The following ZNF705G variants were observed in gnomAD, a reference collection of about 807,000 sequenced individuals.
ZNF705G encodes the protein putative zinc finger protein 705G.
In ZNF705G, 23 loss-of-function variants were observed where a neutral mutation model predicts 19.6. That is an observed-to-expected ratio of 1.17 (90% CI 0.84 to 1.66). The LOEUF is 1.66. Among genes scored for constraint, ZNF705G ranks in the 40% most tolerant of loss-of-function variants. The pLI, the probability that ZNF705G is intolerant of heterozygous loss-of-function variation, is 0.00. For missense variants in ZNF705G, 457 were observed against 354.4 expected (o/e 1.29, Z -2.32); for synonymous variants, 146 against 117.7 (o/e 1.24, Z -1.56).
In ZNF705G at chr8:7,366,014, C is replaced by T. The variant is rs560814990; in HGVS notation, c.-71-2997G>A. 7.3e-4 allele frequency among the ~76,000 whole-genome samples: 109 copies of T among 149,622 alleles called. 10 individuals carry two copies. The highest frequency in any genetic ancestry group is 2.2e-3 in the African/African-American group (84 of 39,054). ...ACCAGTGCTATACAATGTTGAATGA[C>T]ATCTCAGGTGCTAGGGAAACAGCAG... On this transcript the variant is annotated intron_variant, in intron 2 of 6. Transcript: ENST00000400156.
At chr8:7,382,076 A>G (rs1807524203) in intron 1 of ZNF705G, among the ~76,000 whole-genome samples, 1 of 152,074 alleles carries the variant, frequency 6.6e-6, no homozygotes, top group Non-Finnish European at 1.5e-5. Flanking sequence ...AGATCTGCTG[A>G]GCTACCTGCA....
intron 1 of ZNF705G, among the ~76,000 whole-genome samples, chr8:7,383,636 T>C (rs1189308820): frequency 1.1e-4 from 17 of 148,332 alleles, no homozygotes; most frequent in African/African-American, 4.2e-4. Context: ...AAAGTGGTGA[T>C]GATATTACAA....
rs754237155 is a variant in ZNF705G, at chr8:7,362,042, C to T, written c.13-806G>A. Among the ~76,000 whole-genome samples the T allele has an allele frequency of 6.7e-5, 10 of 149,610 alleles. 1 individual carries two copies. The East Asian group carries it at 1.7e-3, about 26-fold the overall frequency. On this transcript the variant is annotated intron_variant, in intron 3 of 6. Transcript: ENST00000400156. ...AAGCTTTCTGTTCTCAACTTTCTCT[C>T]GGCAATCCAAACATCAGTTATCATC... is the stretch of plus-strand genomic sequence containing the variant.
chr8:7,361,220 T>C lies in ZNF705G; in HGVS notation c.29A>G (p.Glu10Gly), dbSNP rs752345052. ...CTGGGTGAAGTCAATAGCTACATCT[T>C]CAAAAGTCAGTTTCTTCTAAAACAT... is the stretch of plus-strand genomic sequence containing the variant. MHSLKKLTF[E>G]DVAIDFTQEE... Residue 10 changes from glutamate (E) to glycine (G), a missense_variant, in exon 4 of 7, where the codon GAA (glutamate) becomes GGA (glycine). Coordinates refer to ENST00000400156, the MANE Select transcript of ZNF705G (RefSeq NM_001164457.3). The C allele has an allele frequency of 3.1e-6, 5 of 1,592,574 alleles. No homozygotes were observed. The Admixed American group carries it at 6.7e-5, about 21-fold the overall frequency.
chr8:7,361,234 C>G lies in ZNF705G; in HGVS notation c.15G>C (p.Lys5Asn), dbSNP rs185314282. 15 of 1,592,504 alleles carry G rather than the reference C, an allele frequency of 9.4e-6. 3 individuals are homozygous for G. In the African/African-American group the frequency reaches 2.0e-4, roughly 21 times the overall value. ...TAGCTACATCTTCAAAAGTCAGTTT[C>G]TTCTAAAACATCACAGACATTTTAG... MHSL[K>N]KLTFEDVAID... Residue 5 changes from lysine to asparagine, a missense_variant and splice_region_variant, in exon 4 of 7, where the codon AAG (lysine) becomes AAC (asparagine). Coordinates refer to ENST00000400156, the MANE Select transcript of ZNF705G (RefSeq NM_001164457.3).
chr8:7,366,493 A>G (rs1253618474), intron 2 of ZNF705G, among the ~76,000 whole-genome samples: 5 of 149,788 alleles, frequency 3.3e-5, no homozygotes, highest in South Asian at 2.1e-4. Flanking sequence ...ATACAGCAAT[A>G]GAAGACAGAA....
intron 1 of ZNF705G, among the ~76,000 whole-genome samples, chr8:7,384,218 T>G (rs1184939502): frequency 4.3e-5 from 6 of 140,320 alleles, no homozygotes; most frequent in Admixed American, 4.1e-4. Context: ...GTGCAAATAA[T>G]TCAACCTTTC....
At chr8:7,359,722 A>G in intron 5 of ZNF705G, 21 bp from the exon 6 acceptor site, 1 of 1,606,158 alleles carries the variant, frequency 6.2e-7, no homozygotes, top group Non-Finnish European at 8.5e-7. Context: ...TGAAAAATAA[A>G]TTGTTACATT....
Position 7,362,785 on chromosome 8 carries a change from T to A in ZNF705G, c.12+150A>T. On this transcript the variant is annotated intron_variant, in intron 3 of 6. Transcript: ENST00000400156. ...ATACCTGAAAGCCTCCTGATTGCAT[T>A]TGGAACACCCAGGCAGGGTGGATTT... 6 of 1,553,444 alleles carry A rather than the reference T, an allele frequency of 3.9e-6. No homozygotes were observed. In the South Asian group the frequency reaches 7.1e-5, roughly 18 times the overall value.
At chr8:7,362,812 ACAT>A in intron 3 of ZNF705G, 120 bp downstream of exon 3, 1 of 1,582,930 alleles carries the variant, frequency 6.3e-7, no homozygotes, top group Middle Eastern at 2.3e-4. Flanking sequence ...GGTGGATTTT[ACAT>A]CATAAAAACA....
intron 2 of ZNF705G, among the ~76,000 whole-genome samples, chr8:7,365,550 G>T (rs1192126710): frequency 1.3e-5 from 2 of 148,916 alleles, no homozygotes; most frequent in African/African-American, 5.2e-5. Flanking sequence ...GGCTAATTTT[G>T]TACTAGACGT....
chr8:7,358,342 C>T lies in ZNF705G; in HGVS notation c.537G>A (p.Lys179=). ...GKSYQCNLCE[K]AYTNCFHLRR... Reference sequence around the variant, plus strand: ...TAAGGTGAAAGCAATTAGTATAGGCCTTTTCACATAGATTACACTGATATG... The same window carrying T: ...TAAGGTGAAAGCAATTAGTATAGGCTTTTTCACATAGATTACACTGATATG... Residue 179 remains lysine (K), a synonymous_variant, in exon 7 of 7, where the codon AAG becomes AAA. Coordinates refer to ENST00000400156, the MANE Select transcript of ZNF705G (RefSeq NM_001164457.3). The T allele has an allele frequency of 1.9e-6, 3 of 1,607,490 alleles. No individual in the cohort carries two copies. The highest frequency in any genetic ancestry group is 2.5e-6 in the Non-Finnish European group (3 of 1,179,614).
At chr8:7,383,768 A>G (rs1807610819) in intron 1 of ZNF705G, among the ~76,000 whole-genome samples, 1 of 148,978 alleles carries the variant, frequency 6.7e-6, no homozygotes. Flanking sequence ...CAACACAGAG[A>G]AGGAAGCGAG....
At chr8:7,365,536 G>C (rs1806817324) in intron 2 of ZNF705G, among the ~76,000 whole-genome samples, 1 of 149,018 alleles carries the variant, frequency 6.7e-6, no homozygotes. Context: ...GCGCCATCGT[G>C]CTCGGCTAAT....
At chr8:7,365,555 A>G (rs1284704840) in intron 2 of ZNF705G, among the ~76,000 whole-genome samples, 1 of 148,844 alleles carries the variant, frequency 6.7e-6, no homozygotes, top group African/African-American at 2.6e-5. Context: ...ATTTTGTACT[A>G]GACGTGGTTT....
At chr8:7,359,320 T>C (rs546859405) in intron 6 of ZNF705G, among the ~76,000 whole-genome samples, 1 of 149,866 alleles carries the variant, frequency 6.7e-6, no homozygotes, top group South Asian at 2.1e-4. Flanking sequence ...GACACAGATA[T>C]GTTCTCTTCT....
At chr8:7,361,360 A>G (rs1192124684) in intron 3 of ZNF705G, 124 bp from the exon 4 acceptor site, 16 of 1,537,192 alleles carry the variant, frequency 1.0e-5, no homozygotes, top group Middle Eastern at 2.4e-4. Context: ...GGTTCCAGCC[A>G]GTTCATTCTC....
intron 2 of ZNF705G, among the ~76,000 whole-genome samples, chr8:7,372,589 T>TAGCA (rs1233909807): frequency 1.6e-5 from 2 of 126,034 alleles, no homozygotes; most frequent in Non-Finnish European, 3.3e-5. Flanking sequence ...AGCCTTGTCC[T>TAGCA]AGCAAGCAAG....
At chr8:7,382,479 T>C (rs1399131444) in intron 1 of ZNF705G, among the ~76,000 whole-genome samples, 1 of 146,690 alleles carries the variant, frequency 6.8e-6, no homozygotes, top group Non-Finnish European at 1.5e-5. Flanking sequence ...TTTATCCTCA[T>C]TCATTTCATG....
Sources: allele counts gnomAD v4.1 joint callset (sites outside exome capture counted in the v4.1 genomes callset), GRCh38; gene constraint gnomAD v4.1.1; transcripts MANE v1.5; gene names NCBI Gene and HGNC (gene_info 2026-07-23, HGNC 2026-07-21).